The following SULF2 variants were observed in gnomAD, a reference collection of about 807,000 sequenced individuals.
The protein encoded by SULF2 is extracellular sulfatase Sulf-2.
In SULF2, 52 loss-of-function variants were observed where a neutral mutation model predicts 107.7. The ratio of observed to expected loss-of-function variants is 0.48; its 90% CI spans 0.39 to 0.61. The LOEUF (loss-of-function observed/expected upper bound fraction) is 0.61, where lower values mean the gene tolerates loss of function less well. Among genes scored for constraint, SULF2 ranks in the 20% least tolerant of loss-of-function variants. The pLI is 0.00. For missense variants in SULF2, 993 were observed against 1,177.3 expected, an observed-to-expected ratio of 0.84 and a Z score of 2.29; for synonymous variants, 460 against 464.3, an observed-to-expected ratio of 0.99 and a Z score of 0.12.
intron 2 of SULF2, among the ~76,000 whole-genome samples, chr20:47,754,693 T>C (rs1309230680): frequency 1.3e-5 from 2 of 152,228 alleles, no homozygotes; most frequent in East Asian, 3.8e-4. Flanking sequence ...ACGATGCCTG[T>C]TTAAATTTCC....
intron 2 of SULF2, among the ~76,000 whole-genome samples, chr20:47,745,825 C>T (rs575445709): frequency 3.9e-5 from 6 of 152,194 alleles, no homozygotes; most frequent in South Asian, 2.1e-4. Context: ...CCACTGTGCC[C>T]GGCCACATGT....
rs762208535 is a variant in SULF2 at position 47,683,280 on chromosome 20, G to A, written c.889-111C>T. On this transcript the variant is annotated intron_variant, in intron 6 of 20. Transcript: ENST00000688720. ...CAGGCCCCGTCCCTCCCCTGCTTCAGGTCTTTGCTCAACTTTCCCAGGGGC... is the reference window on the plus strand; with the variant it reads ...CAGGCCCCGTCCCTCCCCTGCTTCAAGTCTTTGCTCAACTTTCCCAGGGGC... 365 of 1,145,760 alleles carry A rather than the reference G, an allele frequency of 3.2e-4. 1 individual carries two copies. Among genetic ancestry groups the A allele is most frequent in the Non-Finnish European group, 3.9e-4 (330 of 838,150 alleles). 71.0% of individuals were successfully genotyped at this position (1,145,760 alleles called of 1,614,324 possible).
chr20:47,661,795 G>C lies in SULF2; in HGVS notation c.2472C>G (p.Pro824=). The change falls in exon 18 of 21, where the codon CCC becomes CCG. Residue 824 remains proline, a synonymous_variant. Coordinates refer to ENST00000688720, the MANE Select transcript of SULF2 (RefSeq NM_001387048.1). Reference sequence around the variant, plus strand: ...CACCCAGGTCCATGTTTCGAGTCCGGGGGTTACACTGCTTGTAACCCTTGC... The same window carrying C: ...CACCCAGGTCCATGTTTCGAGTCCGCGGGTTACACTGCTTGTAACCCTTGC... ...RSCKGYKQCN[P]RTRNMDLGLK... The C allele has an allele frequency of 6.4e-7, 1 of 1,562,604 alleles. No homozygotes were observed. Among genetic ancestry groups the C allele is most frequent in the Non-Finnish European group, 8.7e-7 (1 of 1,144,394 alleles).
intron 11 of SULF2, among the ~76,000 whole-genome samples, chr20:47,671,383 T>G (rs1425591676): frequency 6.6e-6 from 1 of 152,160 alleles, no homozygotes; most frequent in Non-Finnish European, 1.5e-5. Context: ...CTCAGCTATC[T>G]GCAACCTCTG....
In SULF2 at chr20:47,666,610, C is replaced by T. The variant is rs910208543; in HGVS notation, c.1577-122G>A. 13 of 773,486 alleles carry T rather than the reference C, an allele frequency of 1.7e-5. No homozygotes were observed. Among genetic ancestry groups the T allele is most frequent in the South Asian group, 5.1e-5 (3 of 58,524 alleles). The allele number at this position is 773,486 out of a possible 1,614,324, so 47.9% of individuals were successfully genotyped here. ...CAAGCATGAGGCTCAGCTTTGCCTG[C>T]GACTCGAGGGGTCGTGGAATCTACC... On this transcript the variant is annotated intron_variant, in intron 11 of 20. Coordinates refer to ENST00000688720, the MANE Select transcript of SULF2 (RefSeq NM_001387048.1). The surrounding 1 kb of genome is among the most constrained non-coding windows in gnomAD (Gnocchi z 5.4).
intron 3 of SULF2, among the ~76,000 whole-genome samples, chr20:47,704,690 G>A (rs1234189825): frequency 2.6e-5 from 4 of 152,228 alleles, no homozygotes; most frequent in Admixed American, 6.5e-5. Context: ...GGACACTGCG[G>A]TTCTGAAATT....
rs73136843 is a variant in SULF2, at chr20:47,769,991, G to A, written c.-100-12528C>T. 9.0e-3 allele frequency among the ~76,000 whole-genome samples: 1,363 copies of A among 151,936 alleles called. 4 individuals are homozygous for A. The highest frequency in any genetic ancestry group is 0.013 in the Non-Finnish European group (888 of 67,960). ...GGGCCGGAAAGGGGGCACGCATGGC[G>A]GCACGGAGCTGAGTGAAGGGGGCTG... On this transcript the variant is annotated intron_variant, in intron 1 of 20. Transcript: ENST00000688720.
chr20:47,733,349 A>G (rs1414693914), intron 3 of SULF2, among the ~76,000 whole-genome samples: 1 of 152,194 alleles, frequency 6.6e-6, no homozygotes, highest in African/African-American at 2.4e-5. Context: ...AAAGGATATC[A>G]TCTTGTGCCA....
intron 2 of SULF2, among the ~76,000 whole-genome samples, chr20:47,747,723 C>A (rs80226505): frequency 1.3e-5 from 2 of 151,974 alleles, no homozygotes; most frequent in African/African-American, 4.8e-5. Flanking sequence ...TAATGTCCCC[C>A]CCTTCCCCAC....
At chr20:47,752,998 G>C (rs573286883) in intron 2 of SULF2, among the ~76,000 whole-genome samples, 1 of 150,776 alleles carries the variant, frequency 6.6e-6, no homozygotes, top group East Asian at 2.0e-4. Flanking sequence ...CTACTTGGGA[G>C]GCTGAGGCAG....
chr20:47,778,600 G>A (rs1007244888), intron 1 of SULF2, among the ~76,000 whole-genome samples: 4 of 151,352 alleles, frequency 2.6e-5, no homozygotes, highest in Non-Finnish European at 4.4e-5. Flanking sequence ...CCACCCAGAA[G>A]GCATCGTGCT....
At chr20:47,687,778 G>T (rs549901349) in intron 5 of SULF2, among the ~76,000 whole-genome samples, 1 of 151,940 alleles carries the variant, frequency 6.6e-6, no homozygotes, top group African/African-American at 2.4e-5. Context: ...CGCAATCATA[G>T]CTCACTGCAG....
intron 1 of SULF2, among the ~76,000 whole-genome samples, chr20:47,766,772 G>C (rs1298558880): frequency 2.0e-5 from 3 of 152,174 alleles, no homozygotes; most frequent in Non-Finnish European, 1.5e-5. Context: ...GAACAGAGTG[G>C]CCATGGATTA....
intron 1 of SULF2, among the ~76,000 whole-genome samples, chr20:47,769,320 G>A (rs987030946): frequency 1.3e-5 from 2 of 151,476 alleles, no homozygotes; most frequent in African/African-American, 2.4e-5. Context: ...GACTACAGGC[G>A]TGAGCCACCG....
Position 47,736,838 on chromosome 20 carries a change from AG to A in SULF2, c.279del (p.Ser94ProfsTer86), listed in dbSNP as rs1358261833. 1 of 1,614,216 alleles carries A rather than the reference AG, an allele frequency of 6.2e-7. No individual in the cohort carries two copies. The highest frequency in any genetic ancestry group is 2.2e-5 in the East Asian group (1 of 44,886). ...VTTPMCCPSR[S>X]SILTGKYVHN... is the part of the protein sequence containing the mutation. ...TGGACGTACTTGCCAGTGAGGATGG[AG>A]GAGCGTGAGGGGCAGCACATGGGTG... On this transcript the variant is annotated frameshift_variant, in exon 3 of 21. Transcript: ENST00000688720. LOFTEE classifies it high-confidence loss of function.
chr20:47,682,862 T>C (rs1159113596), intron 7 of SULF2, 132 bp downstream of exon 7: 2 of 886,824 alleles, frequency 2.3e-6, no homozygotes, highest in East Asian at 2.5e-5. Context: ...ACATAATTGC[T>C]TTCCGCTGGC....
intron 3 of SULF2, among the ~76,000 whole-genome samples, chr20:47,730,012 G>A (rs970637277): frequency 3.9e-5 from 6 of 152,236 alleles, no homozygotes; most frequent in African/African-American, 1.4e-4. Context: ...CCCAAGTGTA[G>A]TGTAGTGTAG....
intron 3 of SULF2, among the ~76,000 whole-genome samples, chr20:47,727,446 T>A (rs1454598889): frequency 6.6e-6 from 1 of 152,170 alleles, no homozygotes; most frequent in Non-Finnish European, 1.5e-5. Flanking sequence ...GTGGCCCTGA[T>A]GATGCTTGAT....
At chr20:47,695,753 C>T (rs987939974) in intron 4 of SULF2, among the ~76,000 whole-genome samples, 11 of 152,206 alleles carry the variant, frequency 7.2e-5, no homozygotes, top group Admixed American at 5.9e-4. Flanking sequence ...AGCTGGACTA[C>T]AGGCATGTGC....
Sources: allele counts gnomAD v4.1 joint callset (sites outside exome capture counted in the v4.1 genomes callset), GRCh38; gene constraint gnomAD v4.1.1; non-coding constraint Gnocchi (gnomAD v3.1); transcripts MANE v1.5; gene names NCBI Gene and HGNC (gene_info 2026-07-23, HGNC 2026-07-21).